The following PDE4D variants were observed in gnomAD, a reference collection of about 807,000 sequenced individuals.
PDE4D encodes 3',5'-cyclic-AMP phosphodiesterase 4D.
A neutral mutation model predicts 87.4 loss-of-function variants in PDE4D; 24 were observed. The ratio of observed to expected loss-of-function variants is 0.27; its 90% CI spans 0.20 to 0.39. PDE4D has a LOEUF of 0.39. Among genes scored for constraint, PDE4D ranks in the 10% least tolerant of loss-of-function variants. PDE4D has a pLI of 1.00. For missense variants in PDE4D, 714 were observed against 1,041.0 expected, an observed-to-expected ratio of 0.69 and a Z score of 4.32; for synonymous variants, 384 against 383.2, an observed-to-expected ratio of 1.00 and a Z score of -0.02.
intron 6 of PDE4D, chr5:59,000,008 T>G: frequency 2.8e-6 from 2 of 712,796 alleles, no homozygotes; most frequent in Non-Finnish European, 3.4e-6. Flanking sequence ...TTCCAGCTCT[T>G]AGCCTATAAG....
At chr5:59,596,444 G>A (rs1299044198) in intron 1 of PDE4D, among the ~76,000 whole-genome samples, 1 of 151,586 alleles carries the variant, frequency 6.6e-6, no homozygotes, top group Non-Finnish European at 1.5e-5. Flanking sequence ...AGTTATTTTT[G>A]AAATAGATGA....
chr5:59,661,556 G>A (rs938004799), intron 1 of PDE4D, among the ~76,000 whole-genome samples: 1 of 152,262 alleles, frequency 6.6e-6, no homozygotes, highest in African/African-American at 2.4e-5. Flanking sequence ...GCTAGTAATT[G>A]AGTCATACTC....
At chr5:59,454,723 A>G (rs897141068) in intron 1 of PDE4D, among the ~76,000 whole-genome samples, 3 of 152,208 alleles carry the variant, frequency 2.0e-5, no homozygotes, top group African/African-American at 7.2e-5. Context: ...AAAATGTGGG[A>G]AAGTTTGAAA....
intron 1 of PDE4D, among the ~76,000 whole-genome samples, chr5:59,518,967 C>G (rs1031264838): frequency 3.9e-5 from 6 of 152,150 alleles, no homozygotes; most frequent in Non-Finnish European, 7.4e-5. Flanking sequence ...GGCTACAGGC[C>G]GGTGTTATCT....
At chr5:60,326,684 A>G (rs1015733056) in intron 1 of PDE4D, among the ~76,000 whole-genome samples, 1 of 152,098 alleles carries the variant, frequency 6.6e-6, no homozygotes, top group African/African-American at 2.4e-5. Flanking sequence ...TTTTGCCCAC[A>G]CAGAGCTATT....
chr5:60,431,195 A>G lies in PDE4D; in HGVS notation c.-90+56747T>C, dbSNP rs1744245475. 1.6e-5 allele frequency: 3 copies of G among 191,256 alleles called. No individual in the cohort carries two copies. In the South Asian group the frequency reaches 2.3e-4, roughly 15 times the overall value. The allele number at this position is 191,256 out of a possible 1,614,324, so 11.8% of individuals were successfully genotyped here. ...GCTGACCCCCCCACCTCCCTCCCAG[A>G]CAGGGTGGCTGCTGGGCGGAGACGC... On this transcript the variant is annotated intron_variant, in intron 1 of 16. Coordinates refer to the PDE4D transcript ENST00000502484.
At chr5:58,983,637 G>C (rs1033202404) in intron 11 of PDE4D, among the ~76,000 whole-genome samples, 2 of 152,306 alleles carry the variant, frequency 1.3e-5, no homozygotes, top group East Asian at 1.9e-4. Flanking sequence ...GATTCACACA[G>C]AGGGCTCTGT....
intron 5 of PDE4D, among the ~76,000 whole-genome samples, chr5:59,127,350 A>G (rs1775549615): frequency 6.6e-6 from 1 of 152,188 alleles, no homozygotes; most frequent in Non-Finnish European, 1.5e-5. Context: ...GCCTCTGTCC[A>G]GCACCTGGGT....
intron 1 of PDE4D, among the ~76,000 whole-genome samples, chr5:60,322,367 T>TACAC (rs60232413): frequency 0.073 from 9,714 of 132,544 alleles, 436 homozygotes; most frequent in Admixed American, 0.11. Flanking sequence ...TGGACACACA[T>TACAC]ACACACACAC....
chr5:60,355,159 A>G (rs1236132814), intron 1 of PDE4D, among the ~76,000 whole-genome samples: 6 of 152,208 alleles, frequency 3.9e-5, no homozygotes, highest in African/African-American at 1.4e-4. Flanking sequence ...ACTGCACTGT[A>G]AAAATCCTGT....
In PDE4D at chr5:59,952,649, G is replaced by A. The variant is rs533444474; in HGVS notation, c.272+35839C>T. Among the ~76,000 whole-genome samples, 99 of 152,294 alleles carry A rather than the reference G, an allele frequency of 6.5e-4. 1 individual carries two copies. The highest frequency in any genetic ancestry group is 1.2e-3 in the Non-Finnish European group (82 of 68,024). On this transcript the variant is annotated intron_variant, in intron 3 of 16. Coordinates refer to the PDE4D transcript ENST00000502484. The stretch of plus-strand genomic sequence containing the variant: ...GATGCTCTGTGGTTTCCAAGCCAAA[G>A]CATAAAAAGGACACAGATTCTAACA...
chr5:59,596,423 C>T (rs1295444918), intron 1 of PDE4D, among the ~76,000 whole-genome samples: 1 of 151,158 alleles, frequency 6.6e-6, no homozygotes, highest in Non-Finnish European at 1.5e-5. Context: ...GACATTGCCA[C>T]TCCATTTTTA....
At chr5:59,491,831 A>G (rs1806264519) in intron 1 of PDE4D, among the ~76,000 whole-genome samples, 1 of 152,222 alleles carries the variant, frequency 6.6e-6, no homozygotes, top group Non-Finnish European at 1.5e-5. Context: ...AGCAGGGATA[A>G]TGGATAAATT....
intron 2 of PDE4D, among the ~76,000 whole-genome samples, chr5:60,007,428 T>C (rs905852616): frequency 6.6e-6 from 1 of 152,116 alleles, no homozygotes; most frequent in African/African-American, 2.4e-5. Context: ...GTCATCAATA[T>C]GGACATAAGA....
At chr5:60,475,139 C>T (rs1269722844) in intron 1 of PDE4D, among the ~76,000 whole-genome samples, 1 of 152,016 alleles carries the variant, frequency 6.6e-6, no homozygotes, top group Admixed American at 6.6e-5. Flanking sequence ...TAGGTCTTCT[C>T]CCCCCTAATG....
At chr5:59,112,782 T>C (rs1298530708) in intron 5 of PDE4D, among the ~76,000 whole-genome samples, 2 of 148,588 alleles carry the variant, frequency 1.3e-5, no homozygotes, top group African/African-American at 5.0e-5. Flanking sequence ...TCCTTTTTTC[T>C]TTTTCTCTTC....
intron 1 of PDE4D, among the ~76,000 whole-genome samples, chr5:59,239,030 T>C (rs982295989): frequency 1.3e-5 from 2 of 152,180 alleles, no homozygotes; most frequent in African/African-American, 2.4e-5. Context: ...TAAATACTGC[T>C]TAAGCAACAG....
intron 2 of PDE4D, among the ~76,000 whole-genome samples, chr5:60,174,366 G>A (rs1260605728): frequency 6.6e-6 from 1 of 152,070 alleles, no homozygotes; most frequent in Non-Finnish European, 1.5e-5. Flanking sequence ...GATATACATG[G>A]ACGGGAGTGA....
intron 3 of PDE4D, among the ~76,000 whole-genome samples, chr5:59,984,949 G>T (rs1346604054): frequency 3.3e-5 from 5 of 151,952 alleles, no homozygotes; most frequent in Non-Finnish European, 2.9e-5. Context: ...TCTCAGTATA[G>T]GTTGGCAATG....
Sources: gnomAD v4.1 joint callset for allele counts (sites outside exome capture counted in the v4.1 genomes callset) on GRCh38, gnomAD v4.1.1 for gene constraint, MANE v1.5 for transcripts, NCBI Gene and HGNC (gene_info 2026-07-23, HGNC 2026-07-21) for gene names.